The following PDPN variants were observed in gnomAD, a reference collection of about 807,000 sequenced individuals.
PDPN encodes podoplanin, also known as PA2.26 antigen.
A neutral mutation model predicts 23.2 loss-of-function variants in PDPN; 12 were observed. The ratio of observed to expected loss-of-function variants is 0.52; its 90% CI spans 0.33 to 0.84. The LOEUF is 0.84. PDPN is among the 40% of genes least tolerant of loss of function. PDPN has a pLI of 0.02. For synonymous variants in PDPN, 77 were observed against 76.7 expected (o/e 1.00, Z -0.02); for missense variants, 199 against 212.2 (o/e 0.94, Z 0.39).
intron 3 of PDPN, 131 bp downstream of exon 3, chr1:13,610,647 T>A (rs1239756662): frequency 2.3e-6 from 2 of 882,212 alleles, no homozygotes; most frequent in East Asian, 5.3e-5. Context: ...GAACCAAGCT[T>A]TATATGGTAG....
chr1:13,585,705 G>C, intron 1 of PDPN: 1 of 1,226,362 alleles, frequency 8.2e-7, no homozygotes, highest in Non-Finnish European at 1.1e-6. Context: ...CACTACTAAA[G>C]AAAGAAGTGG....
chr1:13,585,657 C>T (rs1640158119), intron 1 of PDPN: 2 of 1,349,962 alleles, frequency 1.5e-6, no homozygotes, highest in Non-Finnish European at 2.0e-6. Context: ...TAAAAGATGG[C>T]GTTAAAACCG....
At chr1:13,602,674 C>T (rs1056176682) in intron 1 of PDPN, among the ~76,000 whole-genome samples, 17 of 152,106 alleles carry the variant, frequency 1.1e-4, no homozygotes, top group African/African-American at 2.7e-4. Flanking sequence ...GTGATTCTCC[C>T]GCCTCAGCCT....
chr1:13,585,759 C>G, intron 1 of PDPN: 1 of 715,022 alleles, frequency 1.4e-6, no homozygotes, highest in Non-Finnish European at 2.2e-6. Context: ...AGTTGCCTGG[C>G]TGCCAGAGGA....
intron 1 of PDPN, among the ~76,000 whole-genome samples, chr1:13,603,094 A>C (rs1640689019): frequency 6.6e-6 from 1 of 152,012 alleles, no homozygotes; most frequent in Non-Finnish European, 1.5e-5. Flanking sequence ...AAAAACAGAG[A>C]GAGATAGAAA....
intron 5 of PDPN, 57 bp downstream of exon 5, chr1:13,614,468 C>A: frequency 1.1e-6 from 1 of 912,042 alleles, no homozygotes; most frequent in Non-Finnish European, 1.8e-6. Flanking sequence ...GTGTCTAGAA[C>A]TCAAATCTTT....
intron 1 of PDPN, among the ~76,000 whole-genome samples, chr1:13,603,314 C>T (rs936377154): frequency 1.3e-4 from 20 of 152,038 alleles, no homozygotes; most frequent in South Asian, 1.0e-3. Context: ...ACCCAGGAGG[C>T]GGAGGTTGTA....
At chr1:13,584,246 C>T in intron 1 of PDPN, 146 bp downstream of exon 1, 1 of 1,532,262 alleles carries the variant, frequency 6.5e-7, no homozygotes, top group Non-Finnish European at 8.7e-7. Context: ...GGCTGAGCGC[C>T]GGAGGAGGAG....
chr1:13,607,058 A>G, intron 1 of PDPN, 115 bp from the exon 2 acceptor site: 1 of 1,289,546 alleles, frequency 7.8e-7, no homozygotes, highest in Non-Finnish European at 1.1e-6. Context: ...AGGACCAAAA[A>G]TAAAACAAAA....
At chr1:13,609,195 A>C (rs142849852) in intron 2 of PDPN, among the ~76,000 whole-genome samples, 1 of 152,084 alleles carries the variant, frequency 6.6e-6, no homozygotes, top group African/African-American at 2.4e-5. Flanking sequence ...TTACAGAATA[A>C]ATTTTCCTAA....
At chr1:13,591,736 C>G (rs1054042087) in intron 1 of PDPN, among the ~76,000 whole-genome samples, 1 of 152,146 alleles carries the variant, frequency 6.6e-6, no homozygotes, top group South Asian at 2.1e-4. Context: ...CCTCTGTCAC[C>G]CAGGCTGAAT....
At chr1:13,611,035 C>T (rs1264786619) in intron 3 of PDPN, among the ~76,000 whole-genome samples, 1 of 151,844 alleles carries the variant, frequency 6.6e-6, no homozygotes, top group African/African-American at 2.4e-5. Context: ...TCCTGGCTAA[C>T]ACGGTGAAAC....
At chr1:13,596,681 A>T (rs1028364068) in intron 1 of PDPN, among the ~76,000 whole-genome samples, 1 of 152,234 alleles carries the variant, frequency 6.6e-6, no homozygotes, top group Non-Finnish European at 1.5e-5. Context: ...GGCTGTAAGC[A>T]AAACATCGAT....
intron 3 of PDPN, among the ~76,000 whole-genome samples, chr1:13,611,227 A>C (rs889889810): frequency 4.9e-5 from 7 of 142,334 alleles, no homozygotes; most frequent in East Asian, 4.1e-4. Flanking sequence ...TCTCAAAAAA[A>C]AAAACAAAAC....
At chr1:13,614,657 C>T in intron 5 of PDPN, 1 of 446,858 alleles carries the variant, frequency 2.2e-6, no homozygotes, top group Non-Finnish European at 4.1e-6. Flanking sequence ...TGCAGTGGCT[C>T]ACACCTGGAA....
At chr1:13,609,936 C>T (rs1273492374) in intron 2 of PDPN, among the ~76,000 whole-genome samples, 14 of 151,976 alleles carry the variant, frequency 9.2e-5, no homozygotes, top group African/African-American at 2.9e-4. Flanking sequence ...TGGTGGCGGG[C>T]GCCTGTAATC....
chr1:13,584,108 C>T lies in PDPN; in HGVS notation c.67+8C>T, dbSNP rs1640111850. The T allele has an allele frequency of 6.2e-7, 1 of 1,612,638 alleles. No individual in the cohort carries two copies. The highest frequency in any genetic ancestry group is 1.3e-5 in the African/African-American group (1 of 75,038). On this transcript the variant is annotated splice_region_variant and intron_variant, in intron 1 of 5. Coordinates refer to ENST00000621990, the MANE Select transcript of PDPN (RefSeq NM_006474.5). ...GGGTCCTGGCAGAAGGAGGTAAGAC[C>T]CAGCGCAAGTGGCTTCCTGCCGTCG...
At chr1:13,594,327 A>T (rs1054067142) in intron 1 of PDPN, among the ~76,000 whole-genome samples, 1 of 152,062 alleles carries the variant, frequency 6.6e-6, no homozygotes, top group African/African-American at 2.4e-5. Context: ...AGGGAAGGGG[A>T]TTTTACCTGG....
At chr1:13,610,275 C>T in intron 2 of PDPN, 112 bp from the exon 3 acceptor site, 2 of 797,140 alleles carry the variant, frequency 2.5e-6, no homozygotes, top group Non-Finnish European at 2.0e-6. Context: ...CAATTCATGC[C>T]ATCATATGTT....
Sources: allele counts gnomAD v4.1 joint callset (sites outside exome capture counted in the v4.1 genomes callset), GRCh38; gene constraint gnomAD v4.1.1; transcripts MANE v1.5; gene names NCBI Gene and HGNC (gene_info 2026-07-23, HGNC 2026-07-21).